Variants in DDX60L observed in about 807,000 individuals in gnomAD.
DDX60L encodes probable ATP-dependent RNA helicase DDX60-like.
Under a neutral mutation model 211.6 loss-of-function variants are expected in DDX60L, and 191 were observed. That is an observed-to-expected ratio of 0.90 (90% CI 0.80 to 1.02). DDX60L has a LOEUF of 1.02. Among genes scored for constraint, DDX60L ranks in the 50% least tolerant of loss-of-function variants. The pLI, the probability that DDX60L is intolerant of heterozygous loss-of-function variation, is 0.00. For missense variants in DDX60L, 2,007 were observed against 1,984.1 expected (o/e 1.01, Z -0.22); for synonymous variants, 706 against 694.1 (o/e 1.02, Z -0.27).
chr4:168,370,456 T>A (rs1397438831), intron 36 of DDX60L, among the ~76,000 whole-genome samples: 4 of 152,054 alleles, frequency 2.6e-5, no homozygotes, highest in Non-Finnish European at 5.9e-5. Flanking sequence ...TGGGCAGAGG[T>A]TGATCAACAT....
chr4:168,420,819 C>G (rs1750481021), intron 17 of DDX60L, among the ~76,000 whole-genome samples: 1 of 152,154 alleles, frequency 6.6e-6, no homozygotes, highest in South Asian at 2.1e-4. Flanking sequence ...TCCTAGTGCT[C>G]TCTCTGCCTG....
intron 22 of DDX60L, among the ~76,000 whole-genome samples, chr4:168,407,609 T>G (rs1747976039): frequency 6.6e-6 from 1 of 152,202 alleles, no homozygotes. Context: ...TGTGAATCTC[T>G]AAGAAAGGGA....
chr4:168,400,385 A>G (rs1244247165), intron 26 of DDX60L, among the ~76,000 whole-genome samples: 1 of 152,154 alleles, frequency 6.6e-6, no homozygotes, highest in East Asian at 1.9e-4. Context: ...GACGCCCAGC[A>G]ATGGGATTGC....
At chr4:168,436,568 G>A (rs1753060889) in intron 10 of DDX60L, among the ~76,000 whole-genome samples, 1 of 152,130 alleles carries the variant, frequency 6.6e-6, no homozygotes, top group South Asian at 2.1e-4. Flanking sequence ...ATACTTTGAA[G>A]GCTGGGGCAA....
Position 168,472,726 on chromosome 4 carries a change from A to G in DDX60L, c.-27T>C. 1.2e-6 allele frequency: 2 copies of G among 1,611,364 alleles called. No individual in the cohort carries two copies. Among genetic ancestry groups the G allele is most frequent in the Non-Finnish European group, 1.7e-6 (2 of 1,179,024 alleles). Reference sequence around the variant, plus strand: ...GTTGCTGCTTCTTGGGCTACAGGGTAGAAGAGTAGAGCTGGAATTTATTAA... The same window carrying G: ...GTTGCTGCTTCTTGGGCTACAGGGTGGAAGAGTAGAGCTGGAATTTATTAA... On this transcript the variant is annotated 5_prime_UTR_variant, in exon 2 of 38. Coordinates refer to ENST00000682922, the MANE Select transcript of DDX60L (RefSeq NM_001012967.3).
chr4:168,461,268 A>C (rs921742767), intron 5 of DDX60L, among the ~76,000 whole-genome samples: 1 of 152,166 alleles, frequency 6.6e-6, no homozygotes, highest in Non-Finnish European at 1.5e-5. Flanking sequence ...TACAAATAAC[A>C]AAAGACATTA....
intron 36 of DDX60L, among the ~76,000 whole-genome samples, chr4:168,368,238 C>T (rs1740331329): frequency 6.6e-6 from 1 of 152,208 alleles, no homozygotes; most frequent in Non-Finnish European, 1.5e-5. Context: ...GTGCTGTGTG[C>T]AGCCTAGGGA....
At chr4:168,441,836 G>A (rs114601333) in intron 9 of DDX60L, among the ~76,000 whole-genome samples, 2,287 of 151,832 alleles carry the variant, frequency 0.015, 80 homozygotes, top group African/African-American at 0.052. Flanking sequence ...AATTAACAAA[G>A]GAACATCACC....
At chr4:168,468,770 A>G (rs572136765) in intron 4 of DDX60L, 1 of 152,330 alleles carries the variant, frequency 6.6e-6, no homozygotes, top group East Asian at 1.9e-4. Context: ...TTGTTTTAAT[A>G]AGATTGCAGG....
At chr4:168,387,853 C>T (rs1412888971) in intron 29 of DDX60L, among the ~76,000 whole-genome samples, 1 of 152,184 alleles carries the variant, frequency 6.6e-6, no homozygotes, top group Non-Finnish European at 1.5e-5. Flanking sequence ...ACTTAATCCT[C>T]ACATGGGCTG....
At position 168,410,495 on chromosome 4, in the gene DDX60L, G is replaced by C. The variant is rs149873056; in HGVS notation, c.2980-3789C>G. The stretch of plus-strand genomic sequence containing the variant: ...TTATTTCCAGTGGAGAAACATTGAA[G>C]ACTTTTGAGTAGAATAAGGACAGGA... On this transcript the variant is annotated intron_variant, in intron 22 of 37. Transcript: ENST00000682922. 5.3e-5 allele frequency among the ~76,000 whole-genome samples: 8 copies of C among 152,160 alleles called. No individual in the cohort carries two copies. The South Asian group carries it at 1.7e-3, about 32-fold the overall frequency.
At chr4:168,406,192 G>C (rs1747720235) in intron 23 of DDX60L, 114 bp from the exon 24 acceptor site, 2 of 1,006,812 alleles carry the variant, frequency 2.0e-6, no homozygotes, top group Non-Finnish European at 2.8e-6. Flanking sequence ...AACTCCTTGA[G>C]GGCAGAGGCT....
intron 36 of DDX60L, among the ~76,000 whole-genome samples, chr4:168,368,491 C>T (rs1226218371): frequency 1.3e-5 from 2 of 152,244 alleles, no homozygotes; most frequent in Non-Finnish European, 2.9e-5. Flanking sequence ...CCATGGAGAA[C>T]CTGTTCTCAG....
chr4:168,438,206 C>A (rs965611562), intron 10 of DDX60L, among the ~76,000 whole-genome samples: 1 of 152,260 alleles, frequency 6.6e-6, no homozygotes, highest in East Asian at 1.9e-4. Flanking sequence ...TTCCTTTAAC[C>A]AATTGCAAAT....
intron 36 of DDX60L, among the ~76,000 whole-genome samples, chr4:168,365,739 C>T (rs1014824858): frequency 1.3e-5 from 2 of 151,960 alleles, no homozygotes; most frequent in East Asian, 1.9e-4. Flanking sequence ...AAATTATAGG[C>T]CAATATCTCT....
rs1000252889 is a variant in DDX60L, at chr4:168,396,222, G to A, written c.3492-98C>T. ...CCCCACAGATTTCCCTTGGTCATCC[G>A]ACGTTGACAGTAGCTCCATCAATCC... On this transcript the variant is annotated intron_variant, in intron 26 of 37. Coordinates refer to ENST00000682922, the MANE Select transcript of DDX60L (RefSeq NM_001012967.3). 14 of 673,156 alleles carry A rather than the reference G, an allele frequency of 2.1e-5. 1 individual carries two copies. Among genetic ancestry groups the A allele is most frequent in the Admixed American group, 1.4e-4 (4 of 29,346 alleles). The allele number at this position is 673,156 out of a possible 1,614,324, so 41.7% of individuals were successfully genotyped here. A position where few individuals can be genotyped will look rare whatever the true frequency, so the allele number is the denominator to read the frequency against.
At chr4:168,420,613 T>TACACAC (rs200084305) in intron 17 of DDX60L, among the ~76,000 whole-genome samples, 51 of 112,250 alleles carry the variant, frequency 4.5e-4, no homozygotes, top group Middle Eastern at 4.3e-3. Flanking sequence ...CACACACACA[T>TACACAC]ACACACACAC....
intron 10 of DDX60L, among the ~76,000 whole-genome samples, chr4:168,436,034 G>GT (rs1752994297): frequency 6.6e-6 from 1 of 152,184 alleles, no homozygotes; most frequent in Non-Finnish European, 1.5e-5. Context: ...TAGGAGAAGG[G>GT]TAGTTGTTGC....
At chr4:168,414,075 C>T (rs1476087706) in intron 22 of DDX60L, among the ~76,000 whole-genome samples, 1 of 152,020 alleles carries the variant, frequency 6.6e-6, no homozygotes, top group Admixed American at 6.5e-5. Context: ...AAGAGAGTGG[C>T]ATGACATAAA....
Sources: gnomAD v4.1 joint callset for allele counts (sites outside exome capture counted in the v4.1 genomes callset) on GRCh38, gnomAD v4.1.1 for gene constraint, MANE v1.5 for transcripts, NCBI Gene and HGNC (gene_info 2026-07-23, HGNC 2026-07-21) for gene names.